Variants in PIGN observed in about 807,000 individuals in gnomAD.
PIGN encodes phosphatidylinositol glycan anchor biosynthesis class N.
Under a neutral mutation model 125.4 loss-of-function variants are expected in PIGN, and 117 were observed. The observed-to-expected ratio is 0.93, with a 90% CI of 0.80 to 1.09. PIGN has a LOEUF of 1.09. Among genes scored for constraint, PIGN ranks in the 50% least tolerant of loss-of-function variants. The pLI, the probability that PIGN is intolerant of heterozygous loss-of-function variation, is 0.00. For synonymous variants in PIGN, 392 were observed against 377.8 expected, an observed-to-expected ratio of 1.04 and a Z score of -0.44; for missense variants, 1,075 against 1,094.9, an observed-to-expected ratio of 0.98 and a Z score of 0.26.
chr18:62,048,689 T>A (rs2030948016), intron 30 of PIGN, among the ~76,000 whole-genome samples: 2 of 97,474 alleles, frequency 2.1e-5, no homozygotes, highest in South Asian at 6.7e-4. Flanking sequence ...AAGGAAGTTT[T>A]CTTTTCTTTT....
chr18:62,143,387 T>TA, intron 10 of PIGN, 41 bp from the exon 11 acceptor site: 1 of 1,212,696 alleles, frequency 8.2e-7, no homozygotes, highest in Non-Finnish European at 1.2e-6. Context: ...TGTTAAGATT[T>TA]AAAAAAGAAT....
chr18:62,138,962 C>T, intron 13 of PIGN, 21 bp downstream of exon 13: 1 of 1,416,586 alleles, frequency 7.1e-7, no homozygotes, highest in Non-Finnish European at 9.7e-7. Flanking sequence ...TTGTGCGTGC[C>T]TTTTTGAATT....
intron 29 of PIGN, among the ~76,000 whole-genome samples, chr18:62,073,422 G>T (rs2033002412): frequency 1.3e-5 from 2 of 152,200 alleles, no homozygotes; most frequent in East Asian, 1.9e-4. Flanking sequence ...GAGAGAGCTT[G>T]GTAGTGTCAA....
At chr18:62,116,648 A>G (rs17069475) in intron 14 of PIGN, among the ~76,000 whole-genome samples, 3,378 of 152,266 alleles carry the variant, frequency 0.022, 103 homozygotes, top group African/African-American at 0.058. Context: ...TTTCTCTTCA[A>G]TTAAATTTTA....
At chr18:62,077,226 A>G (rs559883570) in intron 28 of PIGN, among the ~76,000 whole-genome samples, 331 of 152,198 alleles carry the variant, frequency 2.2e-3, no homozygotes, top group African/African-American at 7.2e-3. Context: ...AAAAATAGAA[A>G]AATTAGGCAG....
intron 14 of PIGN, among the ~76,000 whole-genome samples, chr18:62,130,997 G>T (rs1296067451): frequency 6.6e-6 from 1 of 152,044 alleles, no homozygotes; most frequent in East Asian, 1.9e-4. Context: ...GTGATGCACA[G>T]AAGTTTTTTT....
At chr18:62,032,667 T>A (rs533328913) in intron 23 of PIGN, among the ~76,000 whole-genome samples, 26 of 152,348 alleles carry the variant, frequency 1.7e-4, no homozygotes, top group Admixed American at 1.1e-3. Flanking sequence ...AAATTTTTTT[T>A]AAAAGTCTCA....
chr18:62,176,904 C>G (rs1446263570), intron 1 of PIGN, among the ~76,000 whole-genome samples: 3 of 151,818 alleles, frequency 2.0e-5, no homozygotes, highest in Admixed American at 2.0e-4. Context: ...AAAGGGTGTA[C>G]TGGAACTCTG....
Position 62,096,081 on chromosome 18 carries a change from G to A in PIGN, c.2078-131C>T, listed in dbSNP as rs1318987209. 6.4e-5 allele frequency: 32 copies of A among 501,564 alleles called. No homozygotes were observed. In the Middle Eastern group the frequency reaches 2.4e-3, roughly 37 times the overall value. The allele number at this position is 501,564 out of a possible 1,614,324, so 31.1% of individuals were successfully genotyped here. On this transcript the variant is annotated intron_variant, in intron 22 of 30. Coordinates refer to ENST00000640252, the MANE Select transcript of PIGN (RefSeq NM_176787.5). Reference sequence around the variant, plus strand: ...AGGCCGAGGTGGGCAGATCACCTGAGGTCAGGAGTTCGAGACCAGCCTTGC... The same window carrying A: ...AGGCCGAGGTGGGCAGATCACCTGAAGTCAGGAGTTCGAGACCAGCCTTGC...
chr18:62,175,542 T>C (rs777258330), intron 1 of PIGN, among the ~76,000 whole-genome samples: 3 of 152,160 alleles, frequency 2.0e-5, no homozygotes, highest in Non-Finnish European at 4.4e-5. Flanking sequence ...TAATATCCTG[T>C]GTTCTTCCAC....
chr18:62,057,385 T>C (rs1408931307), intron 30 of PIGN, among the ~76,000 whole-genome samples: 2 of 152,168 alleles, frequency 1.3e-5, no homozygotes, highest in African/African-American at 4.8e-5. Flanking sequence ...AACTAGGAGT[T>C]GCCCTTGATT....
At chr18:62,027,013 G>A (rs796399921) in intron 23 of PIGN, among the ~76,000 whole-genome samples, 1 of 152,260 alleles carries the variant, frequency 6.6e-6, no homozygotes, top group African/African-American at 2.4e-5. Context: ...GACCAGCCTG[G>A]CCAACATGGT....
intron 30 of PIGN, among the ~76,000 whole-genome samples, chr18:62,047,970 A>AAT (rs1429686779): frequency 6.6e-6 from 1 of 152,188 alleles, no homozygotes; most frequent in Non-Finnish European, 1.5e-5. Context: ...AAAACAGAAA[A>AAT]TCTGAGCTAA....
At chr18:62,075,250 T>C (rs1484097718) in intron 28 of PIGN, 3 of 154,962 alleles carry the variant, frequency 1.9e-5, no homozygotes, top group Non-Finnish European at 2.9e-5. Context: ...AGTGTTCCCA[T>C]CAGCACAAAG....
At chr18:62,060,114 C>T (rs2032026725) in intron 30 of PIGN, among the ~76,000 whole-genome samples, 1 of 152,208 alleles carries the variant, frequency 6.6e-6, no homozygotes, top group Non-Finnish European at 1.5e-5. Context: ...TGAAGCTCAT[C>T]ATCTTCATGC....
In PIGN at chr18:62,161,158, C is replaced by T; in HGVS notation, c.196G>A (p.Gly66Arg). Residue 66 changes from glycine to arginine, a missense_variant, in exon 4 of 31, where the codon GGA becomes AGA. Physicochemically the swap from Gly to Arg is moderately radical, Grantham distance 125. Around this residue, in one of 3 missense-constraint regions of PIGN, gnomAD observed 152 missense variants for 162.9 expected, o/e 0.93. Coordinates refer to ENST00000640252, the MANE Select transcript of PIGN (RefSeq NM_176787.5). Reference protein sequence around the residue: ...ADALYELDENGNSRAPFIRNI... With the variant: ...ADALYELDENRNSRAPFIRNI... ...CTAATAAACGGTGCTCTAGAGTTTC[C>T]ATTTTCATCTAATTCGTAAAGTGCA... The T allele has an allele frequency of 1.9e-6, 3 of 1,612,974 alleles. No homozygotes were observed. Among genetic ancestry groups the T allele is most frequent in the African/African-American group, 1.3e-5 (1 of 75,018 alleles).
chr18:62,118,885 G>GA (rs56320941), intron 14 of PIGN, among the ~76,000 whole-genome samples: 24,245 of 136,778 alleles, frequency 0.18, 2,702 homozygotes, highest in Middle Eastern at 0.28. Flanking sequence ...GAAAAGAGGT[G>GA]AAAAAAAAAA....
At chr18:62,138,515 G>A (rs1242175108) in intron 13 of PIGN, among the ~76,000 whole-genome samples, 1 of 152,078 alleles carries the variant, frequency 6.6e-6, no homozygotes, top group African/African-American at 2.4e-5. Context: ...ATCTTGCAAA[G>A]TAACATACTG....
rs9636100 is a variant in PIGN, at chr18:62,044,077, A to G, written c.*1779T>C. 78,140 of 152,000 alleles carry G rather than the reference A, an allele frequency of 0.51. 22,061 individuals carry two copies. The highest frequency in any genetic ancestry group is 0.71 in the East Asian group (3,659 of 5,166). The allele number at this position is 152,000 out of a possible 1,614,324, so 9.4% of individuals were successfully genotyped here. ...GCAAGGCGAGCCTGTGGCTGCAGGC[A>G]CACAACACAAACTCCACAAACTCTA... On this transcript the variant is annotated 3_prime_UTR_variant, in exon 31 of 31. Transcript: ENST00000640252.
Sources: allele counts gnomAD v4.1 joint callset (sites outside exome capture counted in the v4.1 genomes callset), GRCh38; gene constraint gnomAD v4.1.1; regional missense constraint gnomAD v4.1.1; transcripts MANE v1.5; gene names NCBI Gene and HGNC (gene_info 2026-07-23, HGNC 2026-07-21).